Variants in ADAM32 observed in about 807,000 individuals in gnomAD.
ADAM32 encodes the protein disintegrin and metalloproteinase domain-containing protein 32.
In ADAM32, 89 loss-of-function variants were observed where a neutral mutation model predicts 114.9. The ratio of observed to expected loss-of-function variants is 0.77; its 90% CI spans 0.65 to 0.92. The LOEUF (loss-of-function observed/expected upper bound fraction) is 0.92, where lower values mean the gene tolerates loss of function less well. Among genes scored for constraint, ADAM32 ranks in the 40% least tolerant of loss-of-function variants. The probability of loss-of-function intolerance (pLI) is 0.00; values close to 1 mark genes in which losing one functional copy is unlikely to be tolerated. For synonymous variants in ADAM32, 285 were observed against 307.5 expected, an observed-to-expected ratio of 0.93 and a Z score of 0.77; for missense variants, 870 against 932.8, an observed-to-expected ratio of 0.93 and a Z score of 0.88.
intron 6 of ADAM32, chr8:39,157,722 A>T: frequency 1.6e-6 from 2 of 1,253,198 alleles, no homozygotes; most frequent in Non-Finnish European, 2.3e-6. Flanking sequence ...CTTGCCTCTT[A>T]GTTCCCACCA....
intron 11 of ADAM32, among the ~76,000 whole-genome samples, chr8:39,191,296 C>T (rs572895108): frequency 1.8e-4 from 27 of 152,192 alleles, no homozygotes; most frequent in Admixed American, 1.4e-3. Context: ...GTTGAATGGT[C>T]GTTCTATTTT....
chr8:39,161,958 A>G (rs924680753), intron 7 of ADAM32, among the ~76,000 whole-genome samples: 3 of 150,440 alleles, frequency 2.0e-5, no homozygotes, highest in African/African-American at 7.3e-5. Context: ...GAGTAGTTTC[A>G]AAAGCTTCTC....
At chr8:39,126,165 G>A (rs1379772173) in intron 2 of ADAM32, among the ~76,000 whole-genome samples, 2 of 152,122 alleles carry the variant, frequency 1.3e-5, no homozygotes, top group African/African-American at 2.4e-5. Flanking sequence ...CTCTTTTTTG[G>A]TTCCATATGA....
chr8:39,128,277 C>G (rs1802236659), intron 2 of ADAM32, among the ~76,000 whole-genome samples: 1 of 151,912 alleles, frequency 6.6e-6, no homozygotes, highest in Admixed American at 6.6e-5. Context: ...TATGTAATGC[C>G]CTTCTTTGTC....
chr8:39,246,125 G>C lies in ADAM32; in HGVS notation c.1861G>C (p.Ala621Pro), dbSNP rs762334521. 1.1e-5 allele frequency: 17 copies of C among 1,613,466 alleles called. No homozygotes were observed. The highest frequency in any genetic ancestry group is 1.7e-5 in the Admixed American group (1 of 59,988). ...ATGTGTAGAATCAAGGATAATTAAG[G>C]CTTCAGCACATGTTTGTTCACAACA... ...RECVESRIIKASAHVCSQQCS... is the reference protein window; with the variant it reads ...RECVESRIIKPSAHVCSQQCS... Residue 621 changes from alanine (A) to proline (P), a missense_variant, in exon 17 of 25, where the codon GCT (alanine) becomes CCT (proline). Ala to Pro is a conservative substitution (Grantham distance 27). Transcript: ENST00000379907.
At chr8:39,179,876 C>G (rs1477346002) in intron 10 of ADAM32, among the ~76,000 whole-genome samples, 1 of 152,230 alleles carries the variant, frequency 6.6e-6, no homozygotes, top group Non-Finnish European at 1.5e-5. Context: ...GTAGCTGCCT[C>G]TAATCAGCCA....
chr8:39,181,111 G>A (rs1462938273), intron 10 of ADAM32, among the ~76,000 whole-genome samples: 1 of 152,250 alleles, frequency 6.6e-6, no homozygotes, highest in East Asian at 1.9e-4. Context: ...GGCTGCCCTA[G>A]CCAGCAGTGG....
chr8:39,169,234 C>T (rs756045988), intron 9 of ADAM32: 5 of 152,082 alleles, frequency 3.3e-5, no homozygotes, highest in East Asian at 1.9e-4. Flanking sequence ...GCATCTATAC[C>T]TTAGTAGTTG....
intron 5 of ADAM32, among the ~76,000 whole-genome samples, chr8:39,150,453 G>A (rs974501936): frequency 3.3e-5 from 5 of 152,116 alleles, no homozygotes; most frequent in Middle Eastern, 3.4e-3. Context: ...TTTTCTCAAG[G>A]AAATCATCTT....
intron 23 of ADAM32, among the ~76,000 whole-genome samples, chr8:39,283,181 G>A (rs921479318): frequency 6.6e-6 from 1 of 152,080 alleles, no homozygotes; most frequent in Non-Finnish European, 1.5e-5. Context: ...GCCAAGGTGG[G>A]AGGACTGCTT....
chr8:39,110,000 CT>C (rs36004067), intron 1 of ADAM32, among the ~76,000 whole-genome samples: 32 of 151,312 alleles, frequency 2.1e-4, no homozygotes, highest in African/African-American at 7.8e-4. Flanking sequence ...TTTGGATGGA[CT>C]TTTTTTTTAC....
intron 11 of ADAM32, among the ~76,000 whole-genome samples, chr8:39,198,869 T>A (rs974295525): frequency 6.6e-6 from 1 of 152,206 alleles, no homozygotes; most frequent in Non-Finnish European, 1.5e-5. Flanking sequence ...GGTTTAGGAT[T>A]CTCTTAAGCA....
At position 39,223,170 on chromosome 8, in the gene ADAM32, A is replaced by G. The variant is rs769085754; in HGVS notation, c.1457A>G (p.Asn486Ser). 1 of 1,601,532 alleles carries G rather than the reference A, an allele frequency of 6.2e-7. No individual in the cohort carries two copies. The highest frequency in any genetic ancestry group is 8.5e-7 in the Non-Finnish European group (1 of 1,174,308). ...TLINGLSCKN[N>S]KFICYDGDCH... Reference sequence around the variant, plus strand: ...ATCAATGGACTTTCATGCAAAAATAATAAGTTTATTTGTTATGACGGAGAC... The same window carrying G: ...ATCAATGGACTTTCATGCAAAAATAGTAAGTTTATTTGTTATGACGGAGAC... Residue 486 changes from asparagine (N) to serine (S), a missense_variant, in exon 14 of 25, where the codon AAT (asparagine) becomes AGT (serine). Transcript: ENST00000379907.
chr8:39,208,327 T>A (rs992339151), intron 11 of ADAM32, among the ~76,000 whole-genome samples: 1 of 152,146 alleles, frequency 6.6e-6, no homozygotes, highest in African/African-American at 2.4e-5. Flanking sequence ...TTCTCCCCAA[T>A]TTTGACTTTT....
At chr8:39,184,942 G>T (rs558083670) in intron 10 of ADAM32, among the ~76,000 whole-genome samples, 9 of 152,094 alleles carry the variant, frequency 5.9e-5, no homozygotes, top group African/African-American at 2.2e-4. Context: ...AAGCTGTGCC[G>T]CATGGCCTGT....
At chr8:39,277,802 G>C (rs1477294180) in intron 22 of ADAM32, among the ~76,000 whole-genome samples, 3 of 152,234 alleles carry the variant, frequency 2.0e-5, no homozygotes, top group African/African-American at 7.2e-5. Context: ...TATCCAGGCA[G>C]GGTGCCTGTG....
chr8:39,209,084 C>T (rs751077768), intron 11 of ADAM32, among the ~76,000 whole-genome samples: 1 of 152,102 alleles, frequency 6.6e-6, no homozygotes, highest in Non-Finnish European at 1.5e-5. Flanking sequence ...TTTCTACCCC[C>T]TTTCTCTTCC....
intron 16 of ADAM32, among the ~76,000 whole-genome samples, chr8:39,236,012 T>A (rs7844395): frequency 0.038 from 5,819 of 152,256 alleles, 386 homozygotes; most frequent in African/African-American, 0.13. Flanking sequence ...TAACATTTTT[T>A]AAAAAAGTAT....
intron 12 of ADAM32, among the ~76,000 whole-genome samples, chr8:39,218,153 A>G (rs1808717463): frequency 6.6e-6 from 1 of 152,134 alleles, no homozygotes; most frequent in Non-Finnish European, 1.5e-5. Flanking sequence ...GATAATATCC[A>G]GAAGAATTCT....
Sources: allele counts gnomAD v4.1 joint callset (sites outside exome capture counted in the v4.1 genomes callset), GRCh38; gene constraint gnomAD v4.1.1; transcripts MANE v1.5; gene names NCBI Gene and HGNC (gene_info 2026-07-23, HGNC 2026-07-21).